CHODL: variants seen among roughly 807,000 people sequenced by gnomAD.
CHODL encodes transmembrane protein MT75.
A neutral mutation model predicts 34.5 loss-of-function variants in CHODL; 29 were observed. That is an observed-to-expected ratio of 0.84 (90% CI 0.63 to 1.15). The LOEUF (loss-of-function observed/expected upper bound fraction) is 1.15, where lower values mean the gene tolerates loss of function less well. CHODL is among the 50% of genes most tolerant of loss of function. The pLI, the probability that CHODL is intolerant of heterozygous loss-of-function variation, is 0.00. For missense variants in CHODL, 332 were observed against 332.5 expected (o/e 1.00, Z 0.01); for synonymous variants, 125 against 116.1 (o/e 1.08, Z -0.49).
intron 2 of CHODL, among the ~76,000 whole-genome samples, chr21:18,140,848 T>C (rs2072792401): frequency 6.6e-6 from 1 of 152,130 alleles, no homozygotes; most frequent in Non-Finnish European, 1.5e-5. Context: ...ACATTTTATG[T>C]TGTGGCACTT....
At position 18,265,759 on chromosome 21, in the gene CHODL, T is replaced by C. The variant is rs73318285; in HGVS notation, c.738-195T>C. Among the ~76,000 whole-genome samples the C allele has an allele frequency of 5.3e-3, 807 of 152,322 alleles. 10 individuals carry two copies. The highest frequency in any genetic ancestry group is 0.018 in the African/African-American group (766 of 41,584). On this transcript the variant is annotated intron_variant, in intron 5 of 5. Transcript: ENST00000299295. ...ACAGGAAAAGATATGTTTTGTTTTC[T>C]CTATCATTCACAAGAACTGTTTGCC... is the stretch of plus-strand genomic sequence containing the variant.
At chr21:18,021,140 G>A (rs1404370134) in intron 1 of CHODL, among the ~76,000 whole-genome samples, 1 of 152,148 alleles carries the variant, frequency 6.6e-6, no homozygotes, top group African/African-American at 2.4e-5. Flanking sequence ...TAATACCATG[G>A]CCTTGGATGA....
chr21:18,020,028 G>C (rs1230424018), intron 1 of CHODL, among the ~76,000 whole-genome samples: 2 of 152,056 alleles, frequency 1.3e-5, no homozygotes, highest in Non-Finnish European at 2.9e-5. Flanking sequence ...AGGACTGGCA[G>C]GTCATATGGA....
chr21:17,945,209 TAA>T (rs71189571), intron 1 of CHODL, among the ~76,000 whole-genome samples: 3 of 139,844 alleles, frequency 2.1e-5, no homozygotes, highest in African/African-American at 2.7e-5. Flanking sequence ...GAGACTCTGT[TAA>T]AAAAAAAAAA....
intron 2 of CHODL, among the ~76,000 whole-genome samples, chr21:18,070,874 A>G (rs2064795446): frequency 6.6e-6 from 1 of 151,638 alleles, no homozygotes; most frequent in African/African-American, 2.4e-5. Flanking sequence ...TAACCAAAAT[A>G]GTATTATAGT....
chr21:17,950,323 G>T (rs970344700), intron 1 of CHODL, among the ~76,000 whole-genome samples: 12 of 151,800 alleles, frequency 7.9e-5, no homozygotes, highest in African/African-American at 2.2e-4. Flanking sequence ...ATTCAAGGAA[G>T]AAATTGTACA....
chr21:17,995,282 T>C (rs781414092), intron 1 of CHODL, among the ~76,000 whole-genome samples: 6 of 152,158 alleles, frequency 3.9e-5, no homozygotes, highest in Non-Finnish European at 7.4e-5. Flanking sequence ...GGCAACTGTC[T>C]ATATTAGTCT....
chr21:17,964,534 T>C (rs1600838560), intron 1 of CHODL, among the ~76,000 whole-genome samples: 1 of 152,222 alleles, frequency 6.6e-6, no homozygotes, highest in African/African-American at 2.4e-5. Flanking sequence ...TATATATATT[T>C]GTGGGTAGTG....
chr21:18,111,478 C>T (rs573442118), intron 2 of CHODL, among the ~76,000 whole-genome samples: 34 of 152,266 alleles, frequency 2.2e-4, no homozygotes, highest in African/African-American at 6.3e-4. Flanking sequence ...TTTTCCTTAG[C>T]GAAGAGCTAA....
intron 1 of CHODL, among the ~76,000 whole-genome samples, chr21:18,013,634 G>GTTTTTTTTTTTTTTTT (rs1568844372): frequency 1.4e-4 from 5 of 36,262 alleles, no homozygotes; most frequent in Non-Finnish European, 2.2e-4. Context: ...TGCTGCTGCT[G>GTTTTTTTTTTTTTTTT]CTTTTTTTTT....
intron 1 of CHODL, among the ~76,000 whole-genome samples, chr21:17,920,140 CTCTG>C (rs1395687398): frequency 1.3e-5 from 2 of 152,242 alleles, no homozygotes. Context: ...CTGTTCCAAC[CTCTG>C]TCTGTTACCC....
At chr21:18,179,513 C>A (rs1243101671) in intron 2 of CHODL, among the ~76,000 whole-genome samples, 1 of 152,260 alleles carries the variant, frequency 6.6e-6, no homozygotes, top group Middle Eastern at 3.4e-3. Flanking sequence ...CCTCTTATTT[C>A]TACCACTCTA....
intron 2 of CHODL, among the ~76,000 whole-genome samples, chr21:18,145,369 G>A (rs981290219): frequency 3.4e-4 from 51 of 148,058 alleles, no homozygotes; most frequent in Admixed American, 1.4e-3. Flanking sequence ...CCCGGGAGGC[G>A]GAGCTGGCAG....
intron 1 of CHODL, among the ~76,000 whole-genome samples, chr21:18,023,455 C>A (rs963993044): frequency 3.9e-5 from 6 of 151,966 alleles, no homozygotes; most frequent in African/African-American, 1.5e-4. Flanking sequence ...GGGCCAGGGA[C>A]CAGTGCTGAG....
chr21:18,038,233 C>T (rs962281651), intron 2 of CHODL, among the ~76,000 whole-genome samples: 2 of 151,652 alleles, frequency 1.3e-5, no homozygotes, highest in African/African-American at 4.8e-5. Context: ...TTGTGCATTT[C>T]CCCAAGGTGT....
intron 1 of CHODL, among the ~76,000 whole-genome samples, chr21:17,976,937 ATTG>A (rs1173659662): frequency 1.8e-4 from 28 of 152,280 alleles, no homozygotes; most frequent in Admixed American, 5.2e-4. Flanking sequence ...GATTTAAATA[ATTG>A]TTGTCAGTTT....
At chr21:18,108,873 T>TGTG (rs2065310961) in intron 2 of CHODL, among the ~76,000 whole-genome samples, 1 of 133,914 alleles carries the variant, frequency 7.5e-6, no homozygotes, top group Non-Finnish European at 1.7e-5. Context: ...GTGTGTGTGT[T>TGTG]TCTTCTAACT....
chr21:17,988,032 A>G (rs1292331867), intron 1 of CHODL, among the ~76,000 whole-genome samples: 1 of 150,238 alleles, frequency 6.7e-6, no homozygotes, highest in Non-Finnish European at 1.5e-5. Context: ...TAAGTCATTT[A>G]TCTACTTCAA....
chr21:18,145,169 G>T (rs921773830), intron 2 of CHODL, among the ~76,000 whole-genome samples: 2 of 151,202 alleles, frequency 1.3e-5, no homozygotes, highest in African/African-American at 4.8e-5. Flanking sequence ...GGGCGCGGTG[G>T]CTCAGGCCTG....
Sources: gnomAD v4.1 joint callset for allele counts (sites outside exome capture counted in the v4.1 genomes callset) on GRCh38, gnomAD v4.1.1 for gene constraint, MANE v1.5 for transcripts, NCBI Gene and HGNC (gene_info 2026-07-23, HGNC 2026-07-21) for gene names.